FILIP1: variants seen among roughly 807,000 people sequenced by gnomAD.
FILIP1 encodes filamin A interacting protein 1.
In FILIP1, 61 loss-of-function variants were observed where a neutral mutation model predicts 102.1. The observed-to-expected ratio is 0.60, with a 90% CI of 0.49 to 0.74. The LOEUF (loss-of-function observed/expected upper bound fraction) is 0.74. Among genes scored for constraint, FILIP1 ranks in the 30% least tolerant of loss-of-function variants. FILIP1 has a pLI of 0.00. For missense variants in FILIP1, 1,314 were observed against 1,441.2 expected (o/e 0.91, Z 1.43); for synonymous variants, 491 against 526.9 (o/e 0.93, Z 0.93).
chr6:75,299,288 CT>C (rs1772769465), intron 6 of FILIP1, among the ~76,000 whole-genome samples: 1 of 152,054 alleles, frequency 6.6e-6, no homozygotes, highest in African/African-American at 2.4e-5. Context: ...TTTTTCATAA[CT>C]TTTCTTCTTA....
chr6:75,295,641 T>C (rs1410565204), exon 7 of FILIP1: 1 of 300,612 alleles, frequency 3.3e-6, no homozygotes, highest in Non-Finnish European at 6.1e-6. Context: ...ATATAAGTTA[T>C]ACAGCATGTG....
At chr6:75,335,798 T>C (rs983821101) in intron 4 of FILIP1, among the ~76,000 whole-genome samples, 3 of 152,202 alleles carry the variant, frequency 2.0e-5, no homozygotes, top group African/African-American at 7.2e-5. Context: ...TAAGCCATTA[T>C]GTTATGGCAT....
At chr6:75,376,977 T>C (rs913822046) in intron 2 of FILIP1, among the ~76,000 whole-genome samples, 20 of 152,202 alleles carry the variant, frequency 1.3e-4, no homozygotes, top group African/African-American at 4.3e-4. Context: ...CTTACTATTT[T>C]TTCTAAACTT....
rs187796456 is a variant in FILIP1, at chr6:75,338,846, C to A, written c.629+14693G>T. ...AACTCAATCCAACTAGTTTGGAATG[C>A]GGGGAACAAAAACTCCCCTCAGTTG... On this transcript the variant is annotated intron_variant, in intron 4 of 5. Transcript: ENST00000237172. Among the ~76,000 whole-genome samples the A allele has an allele frequency of 7.4e-4, 112 of 152,200 alleles. No homozygotes were observed. The Middle Eastern group carries it at 0.01, about 14-fold the overall frequency.
At chr6:75,475,689 A>T (rs1779455932) in intron 1 of FILIP1, among the ~76,000 whole-genome samples, 1 of 152,156 alleles carries the variant, frequency 6.6e-6, no homozygotes, top group African/African-American at 2.4e-5. Flanking sequence ...TATGAGCCTC[A>T]CCTCATTCTG....
chr6:75,423,728 G>A (rs556733488), intron 1 of FILIP1, among the ~76,000 whole-genome samples: 29 of 152,062 alleles, frequency 1.9e-4, no homozygotes, highest in African/African-American at 5.3e-4. Flanking sequence ...TGCCTCATCC[G>A]CCATACTCAC....
intron 1 of FILIP1, among the ~76,000 whole-genome samples, chr6:75,472,081 A>G (rs1430341326): frequency 6.6e-6 from 1 of 152,156 alleles, no homozygotes; most frequent in East Asian, 1.9e-4. Context: ...AATTTGCTTT[A>G]AACTGGTGAA....
rs1334138052 is a variant in FILIP1 at position 75,372,781 on chromosome 6, AGAAAGAAAGAAAGAAG to A, written c.277-9880_277-9865del. 9.6e-4 allele frequency among the ~76,000 whole-genome samples: 74 copies of A among 77,182 alleles called. 11 individuals are homozygous for A. Among genetic ancestry groups the A allele is most frequent in the African/African-American group, 3.4e-3 (55 of 16,054 alleles). 50.6% of individuals were successfully genotyped at this position (77,182 alleles called of 152,430 possible). A position where few individuals can be genotyped will look rare whatever the true frequency, so the allele number is the denominator to read the frequency against. On this transcript the variant is annotated intron_variant, in intron 2 of 5. Coordinates refer to ENST00000237172, the MANE Select transcript of FILIP1 (RefSeq NM_015687.5). ...AAGAAAGAAAGAAAGAAAGAAAGAAAGAAAGAAAGAAAGAAGGAAAGAAAGAAAGAAAAGAGTTGGT... is the reference window on the plus strand; with the variant it reads ...AAGAAAGAAAGAAAGAAAGAAAGAAAGAAAGAAAGAAAGAAAAGAGTTGGT...
At chr6:75,472,391 G>C (rs990962506) in intron 1 of FILIP1, among the ~76,000 whole-genome samples, 1 of 152,042 alleles carries the variant, frequency 6.6e-6, no homozygotes, top group Non-Finnish European at 1.5e-5. Context: ...TAATTTAATA[G>C]AACAGTCTTC....
rs1773276436 is a variant in FILIP1, at chr6:75,313,215, TC to T, written c.2616del (p.Trp872Ter). 6.2e-7 allele frequency: 1 copy of T among 1,614,064 alleles called. No individual in the cohort carries two copies. On this transcript the variant is annotated frameshift_variant, in exon 5 of 6. Coordinates refer to ENST00000237172, the MANE Select transcript of FILIP1 (RefSeq NM_015687.5). LOFTEE classifies it high-confidence loss of function. The surrounding 1 kb of genome is among the most constrained non-coding windows in gnomAD (Gnocchi z 4.2). ...ELTMRKSWIP[W>X]MRKRENGPSI... ...GAGGGGCCGTTTTCCCTCTTTCTCA[TC>T]CATGGAATCCAAGACTTTCTCATAG...
intron 2 of FILIP1, among the ~76,000 whole-genome samples, chr6:75,397,537 GACACACACACACACACACACAC>G (rs59797690): frequency 7.2e-5 from 10 of 139,046 alleles, no homozygotes; most frequent in South Asian, 7.0e-4. Flanking sequence ...ACACATATAA[GACACACACACACACACACACAC>G]ACACACACAC....
At chr6:75,369,760 G>A (rs892271547) in intron 2 of FILIP1, among the ~76,000 whole-genome samples, 2 of 152,168 alleles carry the variant, frequency 1.3e-5, no homozygotes, top group Non-Finnish European at 1.5e-5. Context: ...TAGATGATAA[G>A]TAGTTTAAAA....
chr6:75,414,959 T>A lies in FILIP1; in HGVS notation c.14A>T (p.Asn5Ile). The A allele has an allele frequency of 1.2e-6, 2 of 1,613,478 alleles. No individual in the cohort carries two copies. The highest frequency in any genetic ancestry group is 1.7e-6 in the Non-Finnish European group (2 of 1,179,570). ...ATCAGATGCACTTTCACCACCTTGG[T>A]TTCGAGATCTCATTCCCACCTACAA... is the stretch of plus-strand genomic sequence containing the variant. MRSR[N>I]QGGESASDGH... The change falls in exon 2 of 6, where the codon AAC (asparagine) becomes ATC (isoleucine). Residue 5 changes from asparagine to isoleucine, a missense_variant. Physicochemically the swap from Asn to Ile is moderately radical, Grantham distance 149 (BLOSUM62 -3). This residue lies in a region of FILIP1 where 494 missense variants were observed against 511.2 expected (regional missense o/e 0.97). Coordinates refer to ENST00000237172, the MANE Select transcript of FILIP1 (RefSeq NM_015687.5).
chr6:75,364,121 A>C (rs142038535), intron 2 of FILIP1, among the ~76,000 whole-genome samples: 45 of 152,302 alleles, frequency 3.0e-4, no homozygotes, highest in Non-Finnish European at 5.6e-4. Flanking sequence ...AGTGAACTGG[A>C]ATTTGCAGAT....
Position 75,461,622 on chromosome 6 carries a change from G to A in FILIP1, c.-7+31792C>T, listed in dbSNP as rs116125813. Among the ~76,000 whole-genome samples the A allele has an allele frequency of 8.4e-3, 1,286 of 152,252 alleles. 25 individuals are homozygous for A. Among genetic ancestry groups the A allele is most frequent in the African/African-American group, 0.03 (1,232 of 41,550 alleles). On this transcript the variant is annotated intron_variant, in intron 1 of 5. Coordinates refer to ENST00000237172, the MANE Select transcript of FILIP1 (RefSeq NM_015687.5). ...AAACCTGCAGTTTGAGACCTACAATGTTAGTAGGAGAATCATCCCTGGATT... is the reference window on the plus strand; with the variant it reads ...AAACCTGCAGTTTGAGACCTACAATATTAGTAGGAGAATCATCCCTGGATT...
chr6:75,319,298 A>G, intron 4 of FILIP1: 2 of 663,524 alleles, frequency 3.0e-6, no homozygotes, highest in Middle Eastern at 4.5e-4. Context: ...CAGCATCACC[A>G]ATGGGCAGGC....
chr6:75,445,788 A>G (rs956543489), intron 1 of FILIP1, among the ~76,000 whole-genome samples: 1 of 151,318 alleles, frequency 6.6e-6, no homozygotes, highest in Non-Finnish European at 1.5e-5. Context: ...ATTAATTAAC[A>G]ATATATATTT....
In FILIP1 at chr6:75,351,904, G is replaced by C. The variant is rs575100027; in HGVS notation, c.629+1635C>G. ...GAGGAGGTGGGATTTATTTTCACTG[G>C]TTACTCCAGGATGTCGAATCAGTTA... On this transcript the variant is annotated intron_variant, in intron 4 of 5. Transcript: ENST00000237172. Among the ~76,000 whole-genome samples, 181 of 152,256 alleles carry C rather than the reference G, an allele frequency of 1.2e-3. 1 individual carries two copies. The highest frequency in any genetic ancestry group is 7.9e-3 in the South Asian group (38 of 4,826).
chr6:75,435,993 T>G (rs1337269938), intron 1 of FILIP1, among the ~76,000 whole-genome samples: 2 of 152,176 alleles, frequency 1.3e-5, no homozygotes, highest in East Asian at 3.9e-4. Context: ...TTCTTGTTAA[T>G]TTTCTCTTTA....
Sources: allele counts gnomAD v4.1 joint callset (sites outside exome capture counted in the v4.1 genomes callset), GRCh38; gene constraint gnomAD v4.1.1; regional missense constraint gnomAD v4.1.1; non-coding constraint Gnocchi (gnomAD v3.1); transcripts MANE v1.5; gene names NCBI Gene and HGNC (gene_info 2026-07-23, HGNC 2026-07-21).